Variants in DEPTOR observed in about 807,000 individuals in gnomAD.
DEPTOR encodes the protein DEP domain containing MTOR interacting protein.
Under a neutral mutation model 41.6 loss-of-function variants are expected in DEPTOR, and 41 were observed. The ratio of observed to expected loss-of-function variants is 0.98; its 90% CI spans 0.77 to 1.28. The LOEUF is 1.28. Among genes scored for constraint, DEPTOR ranks in the 50% most tolerant of loss-of-function variants. DEPTOR has a pLI of 0.00. For missense variants in DEPTOR, 514 were observed against 527.9 expected (o/e 0.97, Z 0.26); for synonymous variants, 195 against 192.3 (o/e 1.01, Z -0.12).
chr8:119,880,771 CATTTTAA>C (rs1324848038), intron 1 of DEPTOR, among the ~76,000 whole-genome samples: 1 of 152,134 alleles, frequency 6.6e-6, no homozygotes, highest in Non-Finnish European at 1.5e-5. Flanking sequence ...AATTTGTAAC[CATTTTAA>C]TGGGAAGATA....
intron 1 of DEPTOR, among the ~76,000 whole-genome samples, chr8:119,892,375 C>T (rs1827462958): frequency 1.3e-5 from 2 of 152,194 alleles, no homozygotes; most frequent in Admixed American, 1.3e-4. Flanking sequence ...CTCAGTATAT[C>T]ATTGCATTGA....
At chr8:119,970,642 T>A (rs1828619680) in intron 4 of DEPTOR, among the ~76,000 whole-genome samples, 1 of 152,222 alleles carries the variant, frequency 6.6e-6, no homozygotes, top group South Asian at 2.1e-4. Flanking sequence ...TTTGAGAGTT[T>A]GTTTTTTCAG....
chr8:120,036,220 C>A (rs1006756433), intron 8 of DEPTOR, among the ~76,000 whole-genome samples: 2 of 152,164 alleles, frequency 1.3e-5, no homozygotes, highest in African/African-American at 2.4e-5. Context: ...TGTATGAGAC[C>A]AGCAGGCATT....
At position 119,929,898 on chromosome 8, in the gene DEPTOR, G is replaced by T. The variant is rs1483703496; in HGVS notation, c.385G>T (p.Glu129Ter). The T allele has an allele frequency of 1.9e-6, 3 of 1,613,846 alleles. No individual in the cohort carries two copies. In the Admixed American group the frequency reaches 5.0e-5, roughly 27 times the overall value. Residue 129 changes from glutamate (E) to a stop codon, truncating the protein, a stop_gained, in exon 3 of 9, where the codon GAA (glutamate) becomes TAA (stop). Coordinates refer to ENST00000286234, the MANE Select transcript of DEPTOR (RefSeq NM_022783.4). LOFTEE classifies it high-confidence loss of function. ...KDDGTFPLDN[E>*]VKAFMRGQRL... ...TGACGGCACCTTCCCATTGGATAATGAAGTGAAGGCCTTTATGAGAGGACA... is the reference window on the plus strand; with the variant it reads ...TGACGGCACCTTCCCATTGGATAATTAAGTGAAGGCCTTTATGAGAGGACA...
chr8:119,906,876 G>A (rs1023118369), intron 1 of DEPTOR, among the ~76,000 whole-genome samples: 2 of 152,094 alleles, frequency 1.3e-5, no homozygotes, highest in Admixed American at 1.3e-4. Flanking sequence ...GAGAGCATTC[G>A]CGTTGTTCAT....
chr8:119,960,421 C>T (rs1246580218), intron 3 of DEPTOR, among the ~76,000 whole-genome samples: 1 of 151,966 alleles, frequency 6.6e-6, no homozygotes, highest in Non-Finnish European at 1.5e-5. Flanking sequence ...GTGTTTGGGT[C>T]CCAGGCACCT....
chr8:119,964,975 A>G (rs1828538190), intron 3 of DEPTOR, among the ~76,000 whole-genome samples: 2 of 152,080 alleles, frequency 1.3e-5, no homozygotes, highest in South Asian at 2.1e-4. Flanking sequence ...CGGGAGATCA[A>G]GGTAGAAGAA....
intron 1 of DEPTOR, among the ~76,000 whole-genome samples, chr8:119,923,624 C>T (rs1827925933): frequency 6.6e-6 from 1 of 151,976 alleles, no homozygotes; most frequent in Admixed American, 6.6e-5. Flanking sequence ...ATTTATTTGT[C>T]CTGACAGTTT....
At chr8:119,907,380 T>C (rs1389981162) in intron 1 of DEPTOR, among the ~76,000 whole-genome samples, 1 of 152,224 alleles carries the variant, frequency 6.6e-6, no homozygotes, top group African/African-American at 2.4e-5. Flanking sequence ...AAAATACATA[T>C]GCCTACGGAT....
At chr8:120,034,349 G>A (rs1280810681) in intron 8 of DEPTOR, among the ~76,000 whole-genome samples, 1 of 151,410 alleles carries the variant, frequency 6.6e-6, no homozygotes, top group Admixed American at 6.6e-5. Context: ...GGAAGAATAA[G>A]GAGAATCGGA....
At chr8:119,940,953 G>A (rs1415184691) in intron 3 of DEPTOR, among the ~76,000 whole-genome samples, 1 of 152,102 alleles carries the variant, frequency 6.6e-6, no homozygotes, top group Non-Finnish European at 1.5e-5. Flanking sequence ...GGGGAAAGGG[G>A]GGAATAGGGA....
intron 4 of DEPTOR, among the ~76,000 whole-genome samples, chr8:119,995,273 CT>C (rs1812241417): frequency 6.6e-6 from 1 of 152,092 alleles, no homozygotes. Context: ...AAAACTTGTA[CT>C]TTTCATTGTA....
chr8:119,892,955 G>C (rs1208878999), intron 1 of DEPTOR, among the ~76,000 whole-genome samples: 2 of 152,064 alleles, frequency 1.3e-5, no homozygotes, highest in African/African-American at 4.8e-5. Context: ...GCTAAATTTT[G>C]TATTTTTAGT....
intron 3 of DEPTOR, among the ~76,000 whole-genome samples, chr8:119,948,087 C>T (rs555121005): frequency 1.3e-5 from 2 of 152,310 alleles, no homozygotes; most frequent in South Asian, 2.1e-4. Context: ...ATTTCATTCT[C>T]TTGCTTCCCC....
intron 4 of DEPTOR, among the ~76,000 whole-genome samples, chr8:119,983,330 A>C (rs1227278052): frequency 2.0e-5 from 3 of 151,508 alleles, no homozygotes; most frequent in Non-Finnish European, 2.9e-5. Flanking sequence ...GGCTTACTGC[A>C]ACCGAGTAGC....
intron 4 of DEPTOR, among the ~76,000 whole-genome samples, chr8:119,992,766 C>A (rs180697842): frequency 6.6e-6 from 1 of 150,446 alleles, no homozygotes; most frequent in Non-Finnish European, 1.5e-5. Flanking sequence ...AAGTGATTCT[C>A]GTGCCTCAGT....
intron 8 of DEPTOR, among the ~76,000 whole-genome samples, chr8:120,040,652 C>T (rs2130197255): frequency 8.0e-6 from 1 of 125,690 alleles, no homozygotes; most frequent in Non-Finnish European, 1.7e-5. Context: ...TGAAAAATGG[C>T]CCAAATGTTA....
At chr8:119,921,942 T>G (rs984655653) in intron 1 of DEPTOR, among the ~76,000 whole-genome samples, 7 of 151,668 alleles carry the variant, frequency 4.6e-5, no homozygotes, top group African/African-American at 1.5e-4. Flanking sequence ...TTTGTAGTAT[T>G]TAAACATAAA....
At chr8:119,983,479 G>C (rs1187298944) in intron 4 of DEPTOR, among the ~76,000 whole-genome samples, 1 of 152,064 alleles carries the variant, frequency 6.6e-6, no homozygotes, top group Non-Finnish European at 1.5e-5. Context: ...CTGCCTTCCA[G>C]GTTCAAGCGA....
Sources: allele counts gnomAD v4.1 joint callset (sites outside exome capture counted in the v4.1 genomes callset), GRCh38; gene constraint gnomAD v4.1.1; transcripts MANE v1.5; gene names NCBI Gene and HGNC (gene_info 2026-07-23, HGNC 2026-07-21).